Variants in KANK2 observed in about 807,000 individuals in gnomAD.
KANK2 encodes the protein KN motif and ankyrin repeat domains 2, also known as KN motif and ankyrin repeat domain-containing protein 2.
KANK2 carries 41 observed loss-of-function variants against 74.6 expected under a neutral mutation model. The ratio of observed to expected loss-of-function variants is 0.55; its 90% confidence interval spans 0.43 to 0.71. The LOEUF is 0.71. Among genes scored for constraint, KANK2 ranks in the 30% least tolerant of loss-of-function variants. KANK2 has a pLI of 0.00. For synonymous variants in KANK2, 537 were observed against 519.0 expected (o/e 1.03, Z -0.47); for missense variants, 1,148 against 1,196.4 (o/e 0.96, Z 0.60).
intron 6 of KANK2, 98 bp from the exon 7 acceptor site, chr19:11,176,915 T>C: frequency 7.3e-7 from 1 of 1,372,556 alleles, no homozygotes; most frequent in Non-Finnish European, 9.6e-7. Context: ...TCTGTGGGCC[T>C]CAGCTTCCCC....
At chr19:11,173,380 C>G (rs1369871797) in intron 9 of KANK2, among the ~76,000 whole-genome samples, 1 of 152,144 alleles carries the variant, frequency 6.6e-6, no homozygotes, top group African/African-American at 2.4e-5. Context: ...GAAACTGGGT[C>G]TCCCCTGTTA....
At chr19:11,176,990 A>C (rs1342833380) in intron 6 of KANK2, among the ~76,000 whole-genome samples, 173 bp from the exon 7 acceptor site, 2 of 151,980 alleles carry the variant, frequency 1.3e-5, no homozygotes, top group Non-Finnish European at 1.5e-5. Context: ...ACTGGCACAC[A>C]GTAAGCGCTC....
In KANK2 at chr19:11,164,710, T is replaced by C. The variant is rs942962103; in HGVS notation, c.*1848A>G. The C allele has an allele frequency of 2.0e-5, 2 of 99,802 alleles. No individual in the cohort carries two copies. The highest frequency in any genetic ancestry group is 8.0e-5 in the African/African-American group (2 of 25,066). 6.2% of individuals were successfully genotyped at this position (99,802 alleles called of 1,614,324 possible). The stretch of plus-strand genomic sequence containing the variant: ...TTACATGCAAACACCATCTATCTAT[T>C]CATCCATCCATCCATCCATCCATCC... On this transcript the variant is annotated 3_prime_UTR_variant, in exon 13 of 13. Transcript: ENST00000586659.
chr19:11,183,511 C>T (rs909300613), intron 4 of KANK2, among the ~76,000 whole-genome samples: 11 of 152,202 alleles, frequency 7.2e-5, no homozygotes, highest in Non-Finnish European at 1.6e-4. Context: ...CATCCAGTGA[C>T]ACAGTCTCAC....
chr19:11,185,141 C>T (rs2078640363), intron 4 of KANK2, among the ~76,000 whole-genome samples: 1 of 147,854 alleles, frequency 6.8e-6, no homozygotes, highest in East Asian at 2.0e-4. Flanking sequence ...CTGGGCTTGC[C>T]GGGCATGGTG....
chr19:11,177,808 C>T (rs1302527534), intron 6 of KANK2, among the ~76,000 whole-genome samples: 1 of 152,162 alleles, frequency 6.6e-6, no homozygotes, highest in Non-Finnish European at 1.5e-5. Context: ...CCTCCCACTT[C>T]TCGTGTCACT....
intron 9 of KANK2, among the ~76,000 whole-genome samples, chr19:11,173,773 G>A (rs903280116): frequency 6.6e-6 from 1 of 151,470 alleles, no homozygotes; most frequent in African/African-American, 2.4e-5. Flanking sequence ...TAGAGTCTCT[G>A]CTATCAGACT....
intron 4 of KANK2, among the ~76,000 whole-genome samples, chr19:11,187,687 T>C (rs1423454837): frequency 6.6e-6 from 1 of 152,246 alleles, no homozygotes; most frequent in East Asian, 1.9e-4. Flanking sequence ...ATTTCCATAT[T>C]GTCTACGGCT....
intron 4 of KANK2, among the ~76,000 whole-genome samples, chr19:11,179,855 T>C (rs1377009443): frequency 3.9e-5 from 6 of 152,180 alleles, no homozygotes; most frequent in African/African-American, 1.4e-4. Context: ...CAGGTCCCCC[T>C]GGGCCACATA....
At chr19:11,195,537 T>G (rs1170975129) in intron 2 of KANK2, 85 bp downstream of exon 2, 1 of 152,252 alleles carries the variant, frequency 6.6e-6, no homozygotes, top group Non-Finnish European at 1.5e-5. Context: ...GGCCTTTGAG[T>G]GCTGGGGCCG....
rs2077981217 is a variant in KANK2, at chr19:11,164,706, C to T, written c.*1852G>A. 7.3e-6 allele frequency: 1 copy of T among 137,444 alleles called. No homozygotes were observed. Among genetic ancestry groups the T allele is most frequent in the African/African-American group, 3.0e-5 (1 of 33,488 alleles). 8.5% of individuals were successfully genotyped at this position (137,444 alleles called of 1,614,324 possible). On this transcript the variant is annotated 3_prime_UTR_variant, in exon 13 of 13. Transcript: ENST00000586659. ...CAATTTACATGCAAACACCATCTAT[C>T]TATTCATCCATCCATCCATCCATCC... is the stretch of plus-strand genomic sequence containing the variant.
chr19:11,166,296 C>T lies in KANK2; in HGVS notation c.*262G>A. The T allele has an allele frequency of 2.5e-6, 1 of 404,544 alleles. No homozygotes were observed. Among genetic ancestry groups the T allele is most frequent in the Non-Finnish European group, 4.4e-6 (1 of 226,300 alleles). The allele number at this position is 404,544 out of a possible 1,614,324, so 25.1% of individuals were successfully genotyped here. A position where few individuals can be genotyped will look rare whatever the true frequency, so the allele number is the denominator to read the frequency against. On this transcript the variant is annotated 3_prime_UTR_variant, in exon 13 of 13. Coordinates refer to ENST00000586659, the MANE Select transcript of KANK2 (RefSeq NM_001136191.3). ...ATAAAACCCACACCCCAGCATCAGC[C>T]CTGGCGCCAATGTATACAAGAATTT...
intron 9 of KANK2, among the ~76,000 whole-genome samples, chr19:11,173,623 A>G (rs562896829): frequency 2.0e-4 from 30 of 152,282 alleles, no homozygotes; most frequent in Non-Finnish European, 2.6e-4. Context: ...TGTTAGGTTC[A>G]CACGTTTCCC....
intron 9 of KANK2, 124 bp from the exon 10 acceptor site, chr19:11,173,247 AC>A: frequency 8.2e-6 from 8 of 980,310 alleles, no homozygotes; most frequent in Middle Eastern, 2.2e-4. Context: ...TTCTCAGAGG[AC>A]CCCACTCTGC....
Position 11,178,662 on chromosome 19 carries a change from G to A in KANK2, c.1308C>T (p.Ser436=), listed in dbSNP as rs768710188. The A allele has an allele frequency of 5.1e-6, 8 of 1,562,150 alleles. No individual in the cohort carries two copies. The South Asian group carries it at 7.2e-5, about 14-fold the overall frequency. ...CTGTGCTCTTCTCAGGCTGTGTAAG[G>A]GAGGCTACCTCGGACCCCGGGGGTG... ...SSSPPGSEVA[S]LTQPEKSTGR... The change falls in exon 5 of 13, where the codon TCC becomes TCT. Residue 436 remains serine (S), a synonymous_variant. Coordinates refer to ENST00000586659, the MANE Select transcript of KANK2 (RefSeq NM_001136191.3).
chr19:11,173,139 T>G lies in KANK2; in HGVS notation c.2069-16A>C. 6.2e-7 allele frequency: 1 copy of G among 1,605,602 alleles called. No individual in the cohort carries two copies. The highest frequency in any genetic ancestry group is 2.2e-5 in the East Asian group (1 of 44,780). On this transcript the variant is annotated splice_polypyrimidine_tract_variant and intron_variant, in intron 9 of 12. Transcript: ENST00000586659. ...TTGCAGACACCTAAGAGACATGGTGTGAACCCTCAGACCAGGGATCGCTGC... is the reference window on the plus strand; with the variant it reads ...TTGCAGACACCTAAGAGACATGGTGGGAACCCTCAGACCAGGGATCGCTGC...
At position 11,173,071 on chromosome 19, in the gene KANK2, G is replaced by A. The variant is rs762136808; in HGVS notation, c.2121C>T (p.Leu707=). The change falls in exon 10 of 13, where the codon CTC becomes CTT. Residue 707 remains leucine (L), a synonymous_variant. Coordinates refer to ENST00000586659, the MANE Select transcript of KANK2 (RefSeq NM_001136191.3). ...QNRAGYSPIM[L]TALATLKTQD... is the part of the protein sequence containing the mutation. ...GGGTCTTCAGGGTGGCCAGGGCGGT[G>A]AGCATAATAGGGCTGTAGCCAGCAC... 3 of 1,614,166 alleles carry A rather than the reference G, an allele frequency of 1.9e-6. No homozygotes were observed. Among genetic ancestry groups the A allele is most frequent in the South Asian group, 1.1e-5 (1 of 91,076 alleles).
rs1261695687 is a variant in KANK2 at position 11,170,953 on chromosome 19, C to G, written c.2212-705G>C. 6.6e-6 allele frequency among the ~76,000 whole-genome samples: 1 copy of G among 152,212 alleles called. No individual in the cohort carries two copies. Among genetic ancestry groups the G allele is most frequent in the Non-Finnish European group, 1.5e-5 (1 of 68,040 alleles). ...TCTCCTGCCTCAGCCTCCTGAGTAG[C>G]TGAGATTACAGGCGTGTGCCACTAC... On this transcript the variant is annotated intron_variant, in intron 10 of 12. Coordinates refer to ENST00000586659, the MANE Select transcript of KANK2 (RefSeq NM_001136191.3). The surrounding 1 kb of genome is among the most constrained non-coding windows in gnomAD (Gnocchi z 5.2).
At chr19:11,174,747 A>T in intron 8 of KANK2, 55 bp from the exon 9 acceptor site, 10 of 1,383,096 alleles carry the variant, frequency 7.2e-6, no homozygotes, top group Non-Finnish European at 1.0e-5. Flanking sequence ...CCACTGGGAC[A>T]CCCCCCACCC....
Sources: gnomAD v4.1 joint callset for allele counts (sites outside exome capture counted in the v4.1 genomes callset) on GRCh38, gnomAD v4.1.1 for gene constraint, Gnocchi (gnomAD v3.1) non-coding constraint, MANE v1.5 for transcripts, NCBI Gene and HGNC (gene_info 2026-07-23, HGNC 2026-07-21) for gene names.